Variants in USH2A observed in about 807,000 individuals in gnomAD.
USH2A encodes Usher syndrome 2A (autosomal recessive, mild).
In USH2A, 443 loss-of-function variants were observed where a neutral mutation model predicts 538.9. The ratio of observed to expected loss-of-function variants is 0.82; its 90% CI spans 0.76 to 0.89. The LOEUF (loss-of-function observed/expected upper bound fraction) is 0.89, where lower values mean the gene tolerates loss of function less well. USH2A is among the 40% of genes least tolerant of loss of function. The pLI, the probability that USH2A is intolerant of heterozygous loss-of-function variation, is 0.00. For synonymous variants in USH2A, 2,413 were observed against 2,273.5 expected, an observed-to-expected ratio of 1.06 and a Z score of -1.75; for missense variants, 6,633 against 6,324.8, an observed-to-expected ratio of 1.05 and a Z score of -1.65.
intron 21 of USH2A, among the ~76,000 whole-genome samples, chr1:216,140,141 T>TCA (rs538803767): frequency 9.6e-4 from 146 of 152,262 alleles, no homozygotes; most frequent in African/African-American, 3.4e-3. Flanking sequence ...AAGAGTACTT[T>TCA]TATAATATTT....
intron 24 of USH2A, 144 bp from the exon 25 acceptor site, chr1:216,085,021 C>A: frequency 1.4e-6 from 1 of 735,744 alleles, no homozygotes; most frequent in Non-Finnish European, 2.3e-6. Flanking sequence ...TTCATGTAAA[C>A]ACCACACCAT....
At chr1:216,173,249 A>G (rs1424583076) in intron 21 of USH2A, among the ~76,000 whole-genome samples, 1 of 152,176 alleles carries the variant, frequency 6.6e-6, no homozygotes, top group Non-Finnish European at 1.5e-5. Flanking sequence ...CAATAAAATC[A>G]TTCAGCCAAA....
intron 47 of USH2A, among the ~76,000 whole-genome samples, chr1:215,835,671 C>T (rs980323083): frequency 6.6e-6 from 1 of 151,972 alleles, no homozygotes; most frequent in Non-Finnish European, 1.5e-5. Flanking sequence ...AGCTTTAAAC[C>T]CTACCCTCTC....
chr1:215,742,351 C>T (rs1277765080), intron 59 of USH2A, among the ~76,000 whole-genome samples: 1 of 151,914 alleles, frequency 6.6e-6, no homozygotes, highest in Non-Finnish European at 1.5e-5. Context: ...GTTTTTTATA[C>T]TAAGGTAAGT....
At chr1:215,953,033 A>G (rs1666962901) in intron 37 of USH2A, among the ~76,000 whole-genome samples, 1 of 152,148 alleles carries the variant, frequency 6.6e-6, no homozygotes, top group South Asian at 2.1e-4. Flanking sequence ...CTTCAAGGAG[A>G]ACTACAAACC....
In USH2A at chr1:216,089,079, A is replaced by AT. The variant is rs1553300558; in HGVS notation, c.4818dup (p.Trp1607MetfsTer3). Reference sequence around the variant, plus strand: ...TGCCTAATAGCAATTATTTCATGCCATTTTCCATCACTATATTGTTTGCCA... The same window carrying AT: ...TGCCTAATAGCAATTATTTCATGCCATTTTTCCATCACTATATTGTTTGCCA... On this transcript the variant is annotated frameshift_variant, in exon 23 of 72. Coordinates refer to ENST00000307340, the MANE Select transcript of USH2A (RefSeq NM_206933.4). LOFTEE classifies it high-confidence loss of function. 1 of 1,613,360 alleles carries AT rather than the reference A, an allele frequency of 6.2e-7. No homozygotes were observed. The highest frequency in any genetic ancestry group is 8.5e-7 in the Non-Finnish European group (1 of 1,179,610).
intron 21 of USH2A, among the ~76,000 whole-genome samples, chr1:216,165,647 T>A (rs546488544): frequency 2.0e-5 from 3 of 152,308 alleles, no homozygotes; most frequent in Admixed American, 2.0e-4. Flanking sequence ...AGCTAAGTGA[T>A]CCATCTTTTG....
intron 60 of USH2A, among the ~76,000 whole-genome samples, chr1:215,734,771 G>T (rs529363036): frequency 6.6e-6 from 1 of 152,268 alleles, no homozygotes; most frequent in Admixed American, 6.5e-5. Context: ...CTTTGCTAGG[G>T]CATAACAAGG....
chr1:215,836,554 T>C (rs1479909915), intron 47 of USH2A, among the ~76,000 whole-genome samples: 1 of 18,280 alleles, frequency 5.5e-5, no homozygotes, highest in African/African-American at 2.4e-4. Flanking sequence ...TATATATATA[T>C]ATATATATAT....
chr1:216,163,861 G>T (rs1023617024), intron 21 of USH2A, among the ~76,000 whole-genome samples: 4 of 151,672 alleles, frequency 2.6e-5, no homozygotes, highest in Non-Finnish European at 4.4e-5. Context: ...AATTTAAAAG[G>T]CTCACCTACA....
At chr1:215,988,062 G>T (rs1185027029) in intron 35 of USH2A, among the ~76,000 whole-genome samples, 1 of 150,922 alleles carries the variant, frequency 6.6e-6, no homozygotes, top group Non-Finnish European at 1.5e-5. Flanking sequence ...GTAAAATTGG[G>T]CATCTTAACC....
chr1:216,397,145 A>C (rs992079996), intron 3 of USH2A, among the ~76,000 whole-genome samples: 6 of 152,198 alleles, frequency 3.9e-5, no homozygotes, highest in African/African-American at 1.4e-4. Flanking sequence ...TATTTTATTC[A>C]TATCCAGTGT....
At chr1:216,340,465 G>A (rs1159793843) in intron 4 of USH2A, among the ~76,000 whole-genome samples, 1 of 150,580 alleles carries the variant, frequency 6.6e-6, no homozygotes, top group Non-Finnish European at 1.5e-5. Flanking sequence ...AATTGAAAAC[G>A]AGGAATTCCT....
At chr1:216,310,431 TC>T (rs1304981867) in intron 9 of USH2A, among the ~76,000 whole-genome samples, 1 of 152,152 alleles carries the variant, frequency 6.6e-6, no homozygotes, top group African/African-American at 2.4e-5. Context: ...AGATTTCTAA[TC>T]CTTCCTCTTC....
intron 4 of USH2A, among the ~76,000 whole-genome samples, chr1:216,341,909 G>A (rs1387014774): frequency 6.6e-6 from 1 of 152,120 alleles, no homozygotes; most frequent in East Asian, 1.9e-4. Flanking sequence ...GAAAACCTAG[G>A]CGATACCATT....
At chr1:216,276,368 A>G (rs887821805) in intron 11 of USH2A, among the ~76,000 whole-genome samples, 2 of 152,218 alleles carry the variant, frequency 1.3e-5, no homozygotes, top group South Asian at 4.1e-4. Context: ...ACTTGGCACC[A>G]AAACAACATG....
At chr1:216,204,739 G>C (rs906046327) in intron 16 of USH2A, among the ~76,000 whole-genome samples, 13 of 152,208 alleles carry the variant, frequency 8.5e-5, no homozygotes, top group Admixed American at 7.9e-4. Flanking sequence ...TGCTAGCCAC[G>C]CACTAGAAAT....
intron 4 of USH2A, among the ~76,000 whole-genome samples, chr1:216,330,746 C>G (rs1156855235): frequency 2.6e-5 from 4 of 151,900 alleles, no homozygotes; most frequent in African/African-American, 9.6e-5. Flanking sequence ...GATGTGATCT[C>G]AGGATTATTC....
intron 11 of USH2A, among the ~76,000 whole-genome samples, chr1:216,278,187 T>G (rs2102590823): frequency 6.6e-6 from 1 of 152,222 alleles, no homozygotes; most frequent in Non-Finnish European, 1.5e-5. Flanking sequence ...GTATTGGTAT[T>G]TGGCCAATTT....
Sources: gnomAD v4.1 joint callset for allele counts (sites outside exome capture counted in the v4.1 genomes callset) on GRCh38, gnomAD v4.1.1 for gene constraint, MANE v1.5 for transcripts, NCBI Gene and HGNC (gene_info 2026-07-23, HGNC 2026-07-21) for gene names.